The following VAV1 variants were observed in gnomAD, a reference collection of about 807,000 sequenced individuals.
VAV1 encodes vav guanine nucleotide exchange factor 1.
A neutral mutation model predicts 128.1 loss-of-function variants in VAV1; 33 were observed. The observed-to-expected ratio is 0.26, with a 90% CI of 0.20 to 0.34. VAV1 has a LOEUF of 0.34. VAV1 is among the 10% of genes least tolerant of loss of function. The probability of loss-of-function intolerance (pLI) is 1.00; values close to 1 mark genes in which losing one functional copy is unlikely to be tolerated. For synonymous variants in VAV1, 394 were observed against 409.8 expected (o/e 0.96, Z 0.47); for missense variants, 715 against 1,093.7 (o/e 0.65, Z 4.88).
Position 6,777,966 on chromosome 19 carries a change from A to C in VAV1, c.204+4955A>C, listed in dbSNP as rs116248082. On this transcript the variant is annotated intron_variant, in intron 1 of 26. Coordinates refer to ENST00000602142, the MANE Select transcript of VAV1 (RefSeq NM_005428.4). The surrounding 1 kb of genome is among the most constrained non-coding windows in gnomAD (Gnocchi z 4.4). Reference sequence around the variant, plus strand: ...CAGGCGCCTGCCACCACGCCTGGCTAATTTCTGTTGCCCAGGCTGGAGTAC... The same window carrying C: ...CAGGCGCCTGCCACCACGCCTGGCTCATTTCTGTTGCCCAGGCTGGAGTAC... 6.6e-6 allele frequency among the ~76,000 whole-genome samples: 1 copy of C among 151,596 alleles called. No individual in the cohort carries two copies. Among genetic ancestry groups the C allele is most frequent in the African/African-American group, 2.4e-5 (1 of 41,230 alleles).
chr19:6,811,826 A>G (rs772429898), intron 1 of VAV1, among the ~76,000 whole-genome samples: 3 of 152,192 alleles, frequency 2.0e-5, no homozygotes, highest in Non-Finnish European at 4.4e-5. Flanking sequence ...GTGACTTCAC[A>G]TGGTAAAAAT....
chr19:6,841,137 A>C (rs1972366395), intron 21 of VAV1, among the ~76,000 whole-genome samples: 1 of 151,634 alleles, frequency 6.6e-6, no homozygotes, highest in African/African-American at 2.4e-5. Flanking sequence ...CTGGTCTCGA[A>C]CTCCTGGGCT....
chr19:6,841,963 C>T (rs1240600773), intron 21 of VAV1, among the ~76,000 whole-genome samples: 3 of 151,624 alleles, frequency 2.0e-5, no homozygotes, highest in Non-Finnish European at 2.9e-5. Flanking sequence ...CGGTGGTTCA[C>T]GCCTGTAATC....
At chr19:6,781,163 A>G (rs537061106) in intron 1 of VAV1, among the ~76,000 whole-genome samples, 1 of 152,264 alleles carries the variant, frequency 6.6e-6, no homozygotes, top group African/African-American at 2.4e-5. Context: ...TCGGCCTCCC[A>G]AAGTGCTGGG....
rs1971976960 is a variant in VAV1 at position 6,828,607 on chromosome 19, C to G, written c.1093-15C>G. The G allele has an allele frequency of 6.2e-7, 1 of 1,613,780 alleles. No homozygotes were observed. Among genetic ancestry groups the G allele is most frequent in the African/African-American group, 1.3e-5 (1 of 74,864 alleles). On this transcript the variant is annotated splice_polypyrimidine_tract_variant and intron_variant, in intron 11 of 26. Coordinates refer to ENST00000602142, the MANE Select transcript of VAV1 (RefSeq NM_005428.4). This position sits in a 1 kb window ranked among gnomAD's most constrained non-coding sequence, Gnocchi z 4.5. The stretch of plus-strand genomic sequence containing the variant: ...GGCTGTTGGGGGGCCAGGTTCACCC[C>G]TGCCCCCTCCCCAGGACCTGGCTCA...
chr19:6,816,913 G>A (rs201607630), intron 1 of VAV1, among the ~76,000 whole-genome samples: 3 of 151,840 alleles, frequency 2.0e-5, no homozygotes, highest in East Asian at 3.9e-4. Flanking sequence ...GCAGTGAGCC[G>A]AGATGGTGCC....
intron 19 of VAV1, among the ~76,000 whole-genome samples, chr19:6,835,199 GTA>G (rs1042586889): frequency 4.2e-5 from 5 of 118,974 alleles, no homozygotes; most frequent in Non-Finnish European, 8.7e-5. Flanking sequence ...ATATATATGT[GTA>G]TATATATATA....
At chr19:6,852,205 G>A (rs1007069774) in intron 24 of VAV1, among the ~76,000 whole-genome samples, 30 of 152,182 alleles carry the variant, frequency 2.0e-4, no homozygotes, top group African/African-American at 6.3e-4. Context: ...TTTAGAGATG[G>A]GATCTTGCTA....
At chr19:6,825,216 C>A in intron 7 of VAV1, 87 bp from the exon 8 acceptor site, 2 of 1,569,140 alleles carry the variant, frequency 1.3e-6, no homozygotes, top group Non-Finnish European at 1.7e-6. Context: ...GGGAGTTGAG[C>A]GGCATGGGGC....
chr19:6,823,285 T>C (rs1415273164), intron 6 of VAV1, among the ~76,000 whole-genome samples: 1 of 150,596 alleles, frequency 6.6e-6, no homozygotes, highest in Non-Finnish European at 1.5e-5. Flanking sequence ...ACCACCATGC[T>C]CGACTAATTT....
chr19:6,783,934 A>G (rs1283062387), intron 1 of VAV1, among the ~76,000 whole-genome samples: 1 of 151,678 alleles, frequency 6.6e-6, no homozygotes, highest in African/African-American at 2.4e-5. Context: ...GGCTCCAGAA[A>G]TGCAGGTATG....
At chr19:6,838,294 A>AC (rs1327780722) in intron 21 of VAV1, among the ~76,000 whole-genome samples, 1 of 112,300 alleles carries the variant, frequency 8.9e-6, no homozygotes, top group Non-Finnish European at 1.7e-5. Context: ...TCATCTACAT[A>AC]TTATCTATCT....
intron 1 of VAV1, among the ~76,000 whole-genome samples, chr19:6,812,994 A>C (rs1403686361): frequency 6.6e-6 from 1 of 152,254 alleles, no homozygotes; most frequent in East Asian, 1.9e-4. Context: ...CACAGTAGGC[A>C]TAAACCCTTC....
chr19:6,797,474 G>A (rs985028004), intron 1 of VAV1, among the ~76,000 whole-genome samples: 19 of 152,136 alleles, frequency 1.2e-4, no homozygotes, highest in Admixed American at 8.5e-4. Flanking sequence ...AGGCCAAGGC[G>A]GGCGGATCAT....
intron 1 of VAV1, chr19:6,784,027 G>C (rs1970830340): frequency 2.5e-6 from 1 of 402,530 alleles, no homozygotes. Flanking sequence ...GCCGAGACAG[G>C]AGGATTGCTT....
intron 1 of VAV1, among the ~76,000 whole-genome samples, chr19:6,805,160 C>T (rs1172958926): frequency 6.6e-6 from 1 of 152,020 alleles, no homozygotes; most frequent in Admixed American, 6.6e-5. Context: ...CGCAGCGGTT[C>T]ATGCCTGTAA....
chr19:6,808,765 A>G (rs550295604), intron 1 of VAV1, among the ~76,000 whole-genome samples: 1 of 152,298 alleles, frequency 6.6e-6, no homozygotes, highest in Non-Finnish European at 1.5e-5. Context: ...TGTTATTCCA[A>G]TTAATTTAGT....
At chr19:6,802,299 C>T (rs1202150534) in intron 1 of VAV1, among the ~76,000 whole-genome samples, 1 of 151,892 alleles carries the variant, frequency 6.6e-6, no homozygotes, top group Admixed American at 6.6e-5. Context: ...ATGTAACAAA[C>T]CTGCACGTTG....
intron 24 of VAV1, among the ~76,000 whole-genome samples, chr19:6,851,100 T>C (rs1972666553): frequency 6.6e-6 from 1 of 152,016 alleles, no homozygotes; most frequent in South Asian, 2.1e-4. Flanking sequence ...TATATATACA[T>C]ATGTATACAT....
Sources: gnomAD v4.1 joint callset for allele counts (sites outside exome capture counted in the v4.1 genomes callset) on GRCh38, gnomAD v4.1.1 for gene constraint, Gnocchi (gnomAD v3.1) non-coding constraint, MANE v1.5 for transcripts, NCBI Gene and HGNC (gene_info 2026-07-23, HGNC 2026-07-21) for gene names.